Variants in SEC16A observed in about 807,000 individuals in gnomAD.
The protein encoded by SEC16A is protein transport protein Sec16A.
Under a neutral mutation model 221.9 loss-of-function variants are expected in SEC16A, and 110 were observed. The observed-to-expected ratio is 0.50, with a 90% CI of 0.42 to 0.58. The LOEUF is 0.58. SEC16A is among the 20% of genes least tolerant of loss of function. SEC16A has a pLI of 0.00. For synonymous variants in SEC16A, 1,393 were observed against 1,257.7 expected (o/e 1.11, Z -2.28); for missense variants, 3,165 against 3,097.8 (o/e 1.02, Z -0.52).
In SEC16A at chr9:136,476,396, G is replaced by A; in HGVS notation, c.1220C>T (p.Pro407Leu). Residue 407 changes from proline to leucine, a missense_variant, in exon 3 of 32, where the codon CCT (proline) becomes CTT (leucine). By Grantham distance (98) the Pro-to-Leu change is moderately conservative. Around this residue, in one of 3 missense-constraint regions of SEC16A, gnomAD observed 2,030 missense variants for 1,923.1 expected, o/e 1.06. Coordinates refer to ENST00000684901, the MANE Select transcript of SEC16A (RefSeq NM_014866.2). ...AGGTGCGGGCGGACGGCCTAGCCCA[G>A]GGCTGGAGCAGAAATCGTCAAAGTC... ...QADFDDFCSS[P>L]GLGRPPAPTH... 2 of 1,612,864 alleles carry A rather than the reference G, an allele frequency of 1.2e-6. No homozygotes were observed. Among genetic ancestry groups the A allele is most frequent in the Non-Finnish European group, 1.7e-6 (2 of 1,179,866 alleles).
chr9:136,453,164 G>A (rs1355139474), intron 22 of SEC16A, among the ~76,000 whole-genome samples: 1 of 151,970 alleles, frequency 6.6e-6, no homozygotes, highest in Non-Finnish European at 1.5e-5. Context: ...GGGATTTCAT[G>A]ATATTTGGGT....
At chr9:136,468,547 T>C (rs367618011) in intron 4 of SEC16A, 35 bp from the exon 5 acceptor site, 72 of 1,323,294 alleles carry the variant, frequency 5.4e-5, no homozygotes, top group Non-Finnish European at 7.5e-5. Context: ...AAACACAAAT[T>C]ACCTATTTCT....
chr9:136,466,610 G>A lies in SEC16A; in HGVS notation c.3930-148C>T. 1.3e-6 allele frequency: 1 copy of A among 753,308 alleles called. No individual in the cohort carries two copies. The highest frequency in any genetic ancestry group is 1.9e-5 in the South Asian group (1 of 53,296). 46.7% of individuals were successfully genotyped at this position (753,308 alleles called of 1,614,324 possible). On this transcript the variant is annotated intron_variant, in intron 6 of 31. Transcript: ENST00000684901. The surrounding 1 kb of genome is among the most constrained non-coding windows in gnomAD (Gnocchi z 5.5). Reference sequence around the variant, plus strand: ...CCCGACACTCAGGGCCCTCTGACGTGCAACGTTAGAGAAGTACTGCGAATG... The same window carrying A: ...CCCGACACTCAGGGCCCTCTGACGTACAACGTTAGAGAAGTACTGCGAATG...
rs1198924963 is a variant in SEC16A, at chr9:136,476,933, T to C, written c.683A>G (p.His228Arg). Residue 228 changes from histidine to arginine, a missense_variant, in exon 3 of 32, where the codon CAT (histidine) becomes CGT (arginine). His to Arg is a conservative substitution (Grantham distance 29). Transcript: ENST00000684901. The stretch of plus-strand genomic sequence containing the variant: ...AGGTCCTTCAGGGCAGGGTGAACGA[T>C]GTTGCCCCGAGGGCTGTGGGCCTCC... Reference protein sequence around the residue: ...VQGGPQPSGQHRSPCPEGPVP... With the variant: ...VQGGPQPSGQRRSPCPEGPVP... 3.1e-6 allele frequency: 5 copies of C among 1,612,110 alleles called. No homozygotes were observed. The highest frequency in any genetic ancestry group is 4.2e-6 in the Non-Finnish European group (5 of 1,179,544).
In SEC16A at chr9:136,460,105, T is replaced by C. The variant is rs753336720; in HGVS notation, c.5010A>G (p.Pro1670=). The change falls in exon 14 of 32, where the codon CCA becomes CCG. Residue 1670 remains proline, a synonymous_variant. Transcript: ENST00000684901. The stretch of plus-strand genomic sequence containing the variant: ...AGACTGTCTGCAGAGGGTCGTTGAT[T>C]GGGAGGCTGTTAGCAAACCTAGGCA... ...RVMTRFANSL[P]INDPLQTVYQ... 16 of 1,607,126 alleles carry C rather than the reference T, an allele frequency of 1.0e-5. No homozygotes were observed. The highest frequency in any genetic ancestry group is 1.7e-4 in the Middle Eastern group (1 of 6,058).
intron 2 of SEC16A, 126 bp from the exon 3 acceptor site, chr9:136,477,810 T>C: frequency 1.0e-6 from 1 of 965,280 alleles, no homozygotes; most frequent in Non-Finnish European, 1.5e-6. Flanking sequence ...CCAAGGACTC[T>C]CTCTCCCCTA....
intron 17 of SEC16A, among the ~76,000 whole-genome samples, chr9:136,458,403 C>T (rs1225156852): frequency 7.7e-5 from 11 of 143,720 alleles, no homozygotes; most frequent in Non-Finnish European, 1.5e-4. Flanking sequence ...CTGAGGTGGG[C>T]AGATCACAAG....
At position 136,475,133 on chromosome 9, in the gene SEC16A, A is replaced by T; in HGVS notation, c.2483T>A (p.Val828Asp). Residue 828 changes from valine to aspartate, a missense_variant, in exon 3 of 32, where the codon GTC becomes GAC. Transcript: ENST00000684901. This position sits in a 1 kb window ranked among gnomAD's most constrained non-coding sequence, Gnocchi z 5.0. ...PPTESLQNPP[V>D]LIAQPDHSYN... Reference sequence around the variant, plus strand: ...GCTGTGATCAGGCTGAGCAATCAAGACTGGAGGATTCTGCAGAGACTCAGT... The same window carrying T: ...GCTGTGATCAGGCTGAGCAATCAAGTCTGGAGGATTCTGCAGAGACTCAGT... 6.2e-7 allele frequency: 1 copy of T among 1,613,926 alleles called. No homozygotes were observed. The highest frequency in any genetic ancestry group is 1.7e-5 in the Admixed American group (1 of 60,006).
chr9:136,471,566 A>G (rs1002396961), intron 4 of SEC16A, among the ~76,000 whole-genome samples: 1 of 152,238 alleles, frequency 6.6e-6, no homozygotes, highest in African/African-American at 2.4e-5. Flanking sequence ...CTCTGTGACC[A>G]GTCCTCCCAG....
chr9:136,476,097 C>T lies in SEC16A; in HGVS notation c.1519G>A (p.Gly507Arg), dbSNP rs200035717. ...GTATGCAGTGTGGCATCAGGGGCTC[C>T]GGTGTGGCACACAGCACCATGCCTG... ...VPRHGAVCHT[G>R]APDATLHTVH... is the part of the protein sequence containing the mutation. Residue 507 changes from glycine (G) to arginine (R), a missense_variant, in exon 3 of 32, where the codon GGA becomes AGA. By Grantham distance (125) the Gly-to-Arg change is moderately radical. This residue lies in a region of SEC16A where 2,030 missense variants were observed against 1,923.1 expected (regional missense o/e 1.06). Transcript: ENST00000684901. The T allele has an allele frequency of 5.2e-4, 831 of 1,613,554 alleles. 5 individuals are homozygous for T. Among genetic ancestry groups the T allele is most frequent in the Admixed American group, 4.0e-4 (24 of 60,006 alleles).
At chr9:136,468,371 C>G (rs370439848) in intron 5 of SEC16A, 44 bp downstream of exon 5, 1 of 1,309,032 alleles carries the variant, frequency 7.6e-7, no homozygotes. Flanking sequence ...GTCTTTTGCA[C>G]AAGGCACCTG....
chr9:136,455,963 C>T, intron 19 of SEC16A, 90 bp downstream of exon 19: 1 of 1,266,382 alleles, frequency 7.9e-7, no homozygotes, highest in South Asian at 1.3e-5. Flanking sequence ...GTTACACTGT[C>T]TTTACAGATA....
In SEC16A at chr9:136,457,357, T is replaced by C. The variant is rs900002655; in HGVS notation, c.5550+87A>G. On this transcript the variant is annotated intron_variant, in intron 18 of 31. Transcript: ENST00000684901. ...CCTACCACAATGCGCGTCTGAACCA[T>C]CGCTACCCCCATGCCCGGGGGCTCT... is the stretch of plus-strand genomic sequence containing the variant. The C allele has an allele frequency of 4.7e-5, 69 of 1,454,782 alleles. 1 individual carries two copies. The highest frequency in any genetic ancestry group is 4.5e-4 in the Admixed American group (21 of 46,894). 90.1% of individuals were successfully genotyped at this position (1,454,782 alleles called of 1,614,324 possible). A position where few individuals can be genotyped will look rare whatever the true frequency, so the allele number is the denominator to read the frequency against.
chr9:136,456,191 C>A (rs760635906), intron 18 of SEC16A, 25 bp from the exon 19 acceptor site: 1 of 1,561,802 alleles, frequency 6.4e-7, no homozygotes, highest in Non-Finnish European at 8.8e-7. Flanking sequence ...AAATCAAAGG[C>A]CCCTGTCACC....
chr9:136,441,840 A>G lies in SEC16A; in HGVS notation c.7006-17T>C. The G allele has an allele frequency of 6.2e-7, 1 of 1,611,172 alleles. No individual in the cohort carries two copies. Among genetic ancestry groups the G allele is most frequent in the Non-Finnish European group, 8.5e-7 (1 of 1,178,814 alleles). ...GGCGCAGGCCTGGAATGAAATCAAC[A>G]GCATGACCTCTGCATGCCTGCCCCC... is the stretch of plus-strand genomic sequence containing the variant. On this transcript the variant is annotated splice_polypyrimidine_tract_variant and intron_variant, in intron 31 of 31. Transcript: ENST00000684901.
upstream of SEC16A, chr9:136,484,385 T>C (rs940428699): frequency 9.3e-6 from 11 of 1,188,320 alleles, no homozygotes; most frequent in African/African-American, 1.6e-4. Flanking sequence ...GTGGGCACTA[T>C]CCTCTGTGCC....
In SEC16A at chr9:136,474,041, A is replaced by C; in HGVS notation, c.3567+8T>G. 1 of 1,592,912 alleles carries C rather than the reference A, an allele frequency of 6.3e-7. No individual in the cohort carries two copies. The highest frequency in any genetic ancestry group is 1.1e-5 in the South Asian group (1 of 88,994). On this transcript the variant is annotated splice_region_variant and intron_variant, in intron 3 of 31. Transcript: ENST00000684901. ...AAAAGTGGGTTACACATACGACTCG[A>C]CTCTTACCTGGTAATAGAGGGAGGC... is the stretch of plus-strand genomic sequence containing the variant.
chr9:136,447,664 G>C lies in SEC16A; in HGVS notation c.6464C>G (p.Pro2155Arg), dbSNP rs773519355. Residue 2155 changes from proline to arginine, a missense_variant, in exon 26 of 32, where the codon CCA (proline) becomes CGA (arginine). Pro to Arg is a moderately radical substitution (Grantham distance 103). Around this residue, in one of 3 missense-constraint regions of SEC16A, gnomAD observed 1,088 missense variants for 1,089.6 expected, o/e 1.00. Coordinates refer to ENST00000684901, the MANE Select transcript of SEC16A (RefSeq NM_014866.2). This position sits in a 1 kb window ranked among gnomAD's most constrained non-coding sequence, Gnocchi z 5.5. ...EPEEEKKAPP[P>R]PPTSMPKTVQ... ...AGTCTTGGGCATCGAGGTTGGAGGT[G>C]GGGGCGGGGCTTTCTTCTGCAGAGG... The C allele has an allele frequency of 3.7e-6, 6 of 1,611,814 alleles. No individual in the cohort carries two copies. Among genetic ancestry groups the C allele is most frequent in the Middle Eastern group, 1.6e-4 (1 of 6,074 alleles).
chr9:136,483,647 G>C, upstream of SEC16A: 1 of 985,550 alleles, frequency 1.0e-6, no homozygotes, highest in Non-Finnish European at 1.2e-6. Context: ...CTTCAATCAA[G>C]GCCACAAGCG....
Sources: gnomAD v4.1 joint callset for allele counts (sites outside exome capture counted in the v4.1 genomes callset) on GRCh38, gnomAD v4.1.1 for gene constraint, gnomAD v4.1.1 regional missense constraint, Gnocchi (gnomAD v3.1) non-coding constraint, MANE v1.5 for transcripts, NCBI Gene and HGNC (gene_info 2026-07-23, HGNC 2026-07-21) for gene names.